The following NEGR1 variants were observed in gnomAD, a reference collection of about 807,000 sequenced individuals.
NEGR1 encodes IgLON family member 4.
A neutral mutation model predicts 40.9 loss-of-function variants in NEGR1; 10 were observed. The ratio of observed to expected loss-of-function variants is 0.24; its 90% confidence interval spans 0.15 to 0.42. NEGR1 has a LOEUF of 0.42. Among genes scored for constraint, NEGR1 ranks in the 10% least tolerant of loss-of-function variants. NEGR1 has a pLI of 1.00. For missense variants in NEGR1, 352 were observed against 438.9 expected, an observed-to-expected ratio of 0.80 and a Z score of 1.77; for synonymous variants, 185 against 166.8, an observed-to-expected ratio of 1.11 and a Z score of -0.84.
chr1:71,884,878 T>C (rs1660682152), intron 2 of NEGR1, among the ~76,000 whole-genome samples: 1 of 152,216 alleles, frequency 6.6e-6, no homozygotes, highest in Non-Finnish European at 1.5e-5. Context: ...GTAAACACCT[T>C]TCTCTATATA....
At chr1:71,460,336 T>TTAAG (rs961338204) in intron 6 of NEGR1, among the ~76,000 whole-genome samples, 4 of 152,212 alleles carry the variant, frequency 2.6e-5, no homozygotes, top group African/African-American at 9.6e-5. Flanking sequence ...AGGGCCTGAG[T>TTAAG]TAAGGTAAGG....
chr1:71,652,431 G>A lies in NEGR1; in HGVS notation c.668-41285C>T, dbSNP rs145649993. ...AACATGGTCAAATCTAGCCATCTAC[G>A]TTTATAAATAAAGTTATATGGAAAC... On this transcript the variant is annotated intron_variant, in intron 4 of 6. Transcript: ENST00000357731. Among the ~76,000 whole-genome samples the A allele has an allele frequency of 1.8e-3, 275 of 152,020 alleles. 6 individuals are homozygous for A. In the East Asian group the frequency reaches 0.045, roughly 25 times the overall value.
At chr1:72,260,124 A>C (rs920864296) in intron 1 of NEGR1, among the ~76,000 whole-genome samples, 1 of 152,196 alleles carries the variant, frequency 6.6e-6, no homozygotes, top group South Asian at 2.1e-4. Context: ...TTCTCATTTT[A>C]TCATTTTGAA....
At chr1:71,750,263 G>A (rs931106066) in intron 3 of NEGR1, among the ~76,000 whole-genome samples, 2 of 152,144 alleles carry the variant, frequency 1.3e-5, no homozygotes, top group African/African-American at 4.8e-5. Context: ...AAAGTGCTGG[G>A]ATTACAGGCG....
chr1:72,258,726 A>G, intron 1 of NEGR1, among the ~76,000 whole-genome samples: 1 of 152,188 alleles, frequency 6.6e-6, no homozygotes, highest in Middle Eastern at 3.4e-3. Flanking sequence ...ACTGAGAAAT[A>G]GCTTACAATT....
At chr1:71,664,142 T>C (rs1652161527) in intron 4 of NEGR1, among the ~76,000 whole-genome samples, 1 of 152,172 alleles carries the variant, frequency 6.6e-6, no homozygotes, top group Non-Finnish European at 1.5e-5. Context: ...CATATGGCAG[T>C]TTCAAACCCT....
At chr1:71,788,446 GA>G (rs138301176) in intron 2 of NEGR1, among the ~76,000 whole-genome samples, 3 of 151,030 alleles carry the variant, frequency 2.0e-5, no homozygotes, top group Non-Finnish European at 3.0e-5. Flanking sequence ...AGTTCACATG[GA>G]AAAAAAAAGT....
At chr1:71,470,262 C>T (rs866549904) in intron 6 of NEGR1, among the ~76,000 whole-genome samples, 2 of 152,028 alleles carry the variant, frequency 1.3e-5, no homozygotes, top group African/African-American at 2.4e-5. Context: ...TTATTTTTTG[C>T]ATGTTTATTA....
chr1:72,168,121 C>G (rs1051058901), intron 1 of NEGR1, among the ~76,000 whole-genome samples: 1 of 151,590 alleles, frequency 6.6e-6, no homozygotes, highest in Non-Finnish European at 1.5e-5. Flanking sequence ...TCAAGTGATT[C>G]TCCTGTCTCA....
chr1:72,169,716 A>G (rs904220866), intron 1 of NEGR1, among the ~76,000 whole-genome samples: 13 of 152,160 alleles, frequency 8.5e-5, no homozygotes, highest in Admixed American at 1.3e-4. Context: ...ATCTATACTG[A>G]TGAGCCTTTC....
intron 3 of NEGR1, chr1:71,703,293 T>C (rs894002582): frequency 2.0e-5 from 3 of 152,104 alleles, no homozygotes; most frequent in African/African-American, 7.2e-5. Context: ...CAAGGTTTAA[T>C]GGACCAAAAT....
chr1:71,689,355 T>A (rs1038861715), intron 4 of NEGR1, among the ~76,000 whole-genome samples: 12 of 152,110 alleles, frequency 7.9e-5, no homozygotes, highest in African/African-American at 2.7e-4. Context: ...CAGGAGTAGG[T>A]GGTACCAGAG....
chr1:72,257,315 C>CT, intron 1 of NEGR1, among the ~76,000 whole-genome samples: 1 of 100,024 alleles, frequency 1.0e-5, no homozygotes, highest in Non-Finnish European at 1.8e-5. Flanking sequence ...GAGCGAGACT[C>CT]TGTCTCAAAA....
intron 1 of NEGR1, among the ~76,000 whole-genome samples, chr1:72,047,140 T>C (rs1019162948): frequency 6.8e-6 from 1 of 146,096 alleles, no homozygotes; most frequent in African/African-American, 2.5e-5. Flanking sequence ...TTTTGTTTTG[T>C]TTTTTTTTTG....
At chr1:72,165,100 T>C (rs1033304138) in intron 1 of NEGR1, among the ~76,000 whole-genome samples, 3 of 152,060 alleles carry the variant, frequency 2.0e-5, no homozygotes, top group African/African-American at 7.2e-5. Context: ...TATTAAACAA[T>C]TGTGATTTAT....
chr1:71,648,288 GAAACACAATGTTTTTT>G (rs1326883092), intron 4 of NEGR1, among the ~76,000 whole-genome samples: 71 of 152,054 alleles, frequency 4.7e-4, no homozygotes, highest in Admixed American at 1.1e-3. Context: ...TATATGCAGG[GAAACACAATGTTTTTT>G]TAAAGACTAG....
intron 1 of NEGR1, among the ~76,000 whole-genome samples, chr1:72,213,943 G>A (rs1242926267): frequency 1.3e-5 from 2 of 152,066 alleles, no homozygotes; most frequent in African/African-American, 4.8e-5. Flanking sequence ...TATCCCTGAT[G>A]AACATCGATG....
intron 3 of NEGR1, among the ~76,000 whole-genome samples, chr1:71,721,962 T>C (rs917375529): frequency 6.6e-6 from 1 of 151,974 alleles, no homozygotes; most frequent in East Asian, 1.9e-4. Context: ...AGGAGGCAAG[T>C]AGGGGAAGAG....
chr1:72,075,967 T>G (rs1403065838), intron 1 of NEGR1, among the ~76,000 whole-genome samples: 1 of 152,182 alleles, frequency 6.6e-6, no homozygotes. Flanking sequence ...CTCCAATGTC[T>G]TCACATTTCA....
Sources: gnomAD v4.1 joint callset for allele counts (sites outside exome capture counted in the v4.1 genomes callset) on GRCh38, gnomAD v4.1.1 for gene constraint, MANE v1.5 for transcripts, NCBI Gene and HGNC (gene_info 2026-07-23, HGNC 2026-07-21) for gene names.